PI4KA: variants seen among roughly 807,000 people sequenced by gnomAD.
The protein encoded by PI4KA is PI4-kinase alpha.
PI4KA carries 122 observed loss-of-function variants against 271.4 expected under a neutral mutation model. That is an observed-to-expected ratio of 0.45 (90% CI 0.39 to 0.52). The LOEUF is 0.52. Among genes scored for constraint, PI4KA ranks in the 20% least tolerant of loss-of-function variants. PI4KA has a pLI of 0.00. For synonymous variants in PI4KA, 1,041 were observed against 1,078.8 expected (o/e 0.96, Z 0.69); for missense variants, 1,969 against 2,769.1 (o/e 0.71, Z 6.48).
At position 20,714,511 on chromosome 22, in the gene PI4KA, T is replaced by C; in HGVS notation, c.5408A>G (p.Tyr1803Cys). Residue 1803 changes from tyrosine (Y) to cysteine (C), a missense_variant, in exon 47 of 55, where the codon TAT becomes TGT. Tyr to Cys is a radical substitution (Grantham distance 194, BLOSUM62 -2). Coordinates refer to ENST00000255882, the MANE Select transcript of PI4KA (RefSeq NM_058004.4). ...TPMQSAAKAP[Y>C]LAKFKVKRCG... ...TCGCTTCACCTTGAACTTGGCCAGA[T>C]ATGGGGCTTTTGCAGCACTGAAAAC... The C allele has an allele frequency of 6.2e-7, 1 of 1,613,644 alleles. No individual in the cohort carries two copies. The highest frequency in any genetic ancestry group is 8.5e-7 in the Non-Finnish European group (1 of 1,179,682).
intron 1 of PI4KA, among the ~76,000 whole-genome samples, chr22:20,846,038 A>G (rs1010171785): frequency 2.6e-5 from 4 of 152,064 alleles, no homozygotes; most frequent in South Asian, 4.1e-4. Context: ...CGGGCGGATC[A>G]GGAGGTCAGG....
chr22:20,743,665 A>G (rs955727281), intron 30 of PI4KA, among the ~76,000 whole-genome samples: 1 of 152,002 alleles, frequency 6.6e-6, no homozygotes, highest in Non-Finnish European at 1.5e-5. Flanking sequence ...TTTTCCAGAG[A>G]GAAGAACATA....
rs1353645663 is a variant in PI4KA, at chr22:20,842,343, T to C, written c.157-3612A>G. On this transcript the variant is annotated intron_variant, in intron 1 of 54. Coordinates refer to ENST00000255882, the MANE Select transcript of PI4KA (RefSeq NM_058004.4). ...TGATTTCAGTCCAGTGAAACACAGGTTGTGTTTCTAATCTACAGAACTGTA... is the reference window on the plus strand; with the variant it reads ...TGATTTCAGTCCAGTGAAACACAGGCTGTGTTTCTAATCTACAGAACTGTA... Among the ~76,000 whole-genome samples the C allele has an allele frequency of 3.3e-5, 5 of 152,186 alleles. No homozygotes were observed. The East Asian group carries it at 9.6e-4, about 29-fold the overall frequency.
intron 32 of PI4KA, among the ~76,000 whole-genome samples, chr22:20,734,830 T>G (rs1928520953): frequency 6.6e-6 from 1 of 152,198 alleles, no homozygotes; most frequent in African/African-American, 2.4e-5. Flanking sequence ...ACCCGGGATG[T>G]ACCTGATGCC....
intron 28 of PI4KA, 74 bp downstream of exon 28, chr22:20,749,831 C>G: frequency 1.9e-3 from 1,577 of 810,532 alleles, no homozygotes; most frequent in Non-Finnish European, 3.1e-3. Context: ...ATTTTGAGTT[C>G]TTCATGTCTC....
At position 20,709,376 on chromosome 22, in the gene PI4KA, G is replaced by A. The variant is rs140017088; in HGVS notation, c.6177C>T (p.His2059=). 8.2e-6 allele frequency: 11 copies of A among 1,334,078 alleles called. No homozygotes were observed. The highest frequency in any genetic ancestry group is 1.1e-5 in the Non-Finnish European group (11 of 965,710). 82.6% of individuals were successfully genotyped at this position (1,334,078 alleles called of 1,614,324 possible). The change falls in exon 54 of 55, where the codon CAC becomes CAT. Residue 2059 remains histidine (H), a synonymous_variant. Transcript: ENST00000255882. ...GCTCAGTCATGTTGGGGCTAAACCT[G>A]TGCCTGGGGGAGAGGCTGTGTCAGG... ...FRGQTIKLLK[H]RFSPNMTERE... is the part of the protein sequence containing the mutation.
At chr22:20,778,431 G>C (rs1233676876) in intron 19 of PI4KA, among the ~76,000 whole-genome samples, 3 of 152,214 alleles carry the variant, frequency 2.0e-5, no homozygotes, top group Admixed American at 2.0e-4. Context: ...TTGAGTCCAG[G>C]AGGCCGAAGT....
intron 2 of PI4KA, among the ~76,000 whole-genome samples, chr22:20,837,422 T>C (rs1462217650): frequency 2.0e-5 from 3 of 152,188 alleles, no homozygotes; most frequent in African/African-American, 7.2e-5. Context: ...AGCTTATGTA[T>C]CTAATTTTGG....
intron 18 of PI4KA, among the ~76,000 whole-genome samples, chr22:20,794,525 G>A (rs931186931): frequency 3.3e-5 from 5 of 152,158 alleles, no homozygotes; most frequent in Non-Finnish European, 7.4e-5. Context: ...CGGAGGGCCC[G>A]GCATAGCAAG....
chr22:20,857,196 T>C (rs1020464472), intron 1 of PI4KA, among the ~76,000 whole-genome samples: 1 of 152,236 alleles, frequency 6.6e-6, no homozygotes, highest in African/African-American at 2.4e-5. Flanking sequence ...AGAAGGGAAC[T>C]GACCTGTCTA....
Position 20,819,834 on chromosome 22 carries a change from T to A in PI4KA, c.596A>T (p.Asn199Ile), listed in dbSNP as rs1922379678. ...CTTTGAGAGGAGAGACTCTTCCATG[T>A]TGCTGTAACGCCCAAATGCTCGCGA... is the stretch of plus-strand genomic sequence containing the variant. Reference protein sequence around the residue: ...GISRAFGRYSNMEESLLSKLF... With the variant: ...GISRAFGRYSIMEESLLSKLF... The change falls in exon 6 of 55, where the codon AAC becomes ATC. Residue 199 changes from asparagine (N) to isoleucine (I), a missense_variant. By Grantham distance (149) the Asn-to-Ile change is moderately radical (BLOSUM62 -3). Around this residue, in one of 13 missense-constraint regions of PI4KA, gnomAD observed 540 missense variants for 555.5 expected, o/e 0.97. Transcript: ENST00000255882. The A allele has an allele frequency of 6.2e-7, 1 of 1,613,890 alleles. No individual in the cohort carries two copies. Among genetic ancestry groups the A allele is most frequent in the Non-Finnish European group, 8.5e-7 (1 of 1,179,824 alleles).
intron 32 of PI4KA, 136 bp from the exon 33 acceptor site, chr22:20,734,689 T>A: frequency 1.0e-6 from 1 of 972,458 alleles, no homozygotes. Context: ...AAGAAAAAAA[T>A]GAAGATCGCC....
At chr22:20,709,834 ACCTATCTTGGATGGAG>A (rs1472601438) in intron 53 of PI4KA, 58 bp downstream of exon 53, 1 of 859,494 alleles carries the variant, frequency 1.2e-6, no homozygotes, top group African/African-American at 1.7e-5. Flanking sequence ...CATGAAAGGT[ACCTATCTTGGATGGAG>A]CCTCAGCTAA....
In PI4KA at chr22:20,786,268, T is replaced by C. The variant is rs1162102487; in HGVS notation, c.2328+6925A>G. ...ATGTCCCAGCTTGGGGTGCTGAGTCTGCTCTTCGGCCTGGGTGGGATACAC... is the reference window on the plus strand; with the variant it reads ...ATGTCCCAGCTTGGGGTGCTGAGTCCGCTCTTCGGCCTGGGTGGGATACAC... On this transcript the variant is annotated intron_variant, in intron 19 of 54. Transcript: ENST00000255882. 4.4e-6 allele frequency: 5 copies of C among 1,139,764 alleles called. No homozygotes were observed. The Admixed American group carries it at 8.7e-5, about 20-fold the overall frequency. 70.6% of individuals were successfully genotyped at this position (1,139,764 alleles called of 1,614,324 possible). A position where few individuals can be genotyped will look rare whatever the true frequency, so the allele number is the denominator to read the frequency against.
intron 1 of PI4KA, among the ~76,000 whole-genome samples, chr22:20,851,917 T>A (rs1341304491): frequency 6.6e-6 from 1 of 151,990 alleles, no homozygotes; most frequent in Non-Finnish European, 1.5e-5. Flanking sequence ...AATAAAAATA[T>A]AAATAAGCCA....
intron 19 of PI4KA, among the ~76,000 whole-genome samples, chr22:20,776,455 A>G (rs1933286438): frequency 3.3e-5 from 5 of 152,234 alleles, no homozygotes; most frequent in Admixed American, 3.3e-4. Context: ...GTCAGAAACA[A>G]TGTGACTTTC....
chr22:20,729,087 T>G (rs925223428), intron 39 of PI4KA, among the ~76,000 whole-genome samples: 2 of 152,204 alleles, frequency 1.3e-5, no homozygotes, highest in Admixed American at 1.3e-4. Context: ...AGGCTCCAGC[T>G]GCTGCAGCAC....
At chr22:20,847,628 T>G (rs2147807742) in intron 1 of PI4KA, among the ~76,000 whole-genome samples, 1 of 152,174 alleles carries the variant, frequency 6.6e-6, no homozygotes, top group South Asian at 2.1e-4. Flanking sequence ...GTGCCTGTAG[T>G]CCCAGCTACT....
chr22:20,823,822 T>C (rs1923024067), intron 4 of PI4KA, among the ~76,000 whole-genome samples: 1 of 152,160 alleles, frequency 6.6e-6, no homozygotes, highest in Admixed American at 6.6e-5. Context: ...ACGCCTATAG[T>C]CTCAGCTACT....
Sources: gnomAD v4.1 joint callset for allele counts (sites outside exome capture counted in the v4.1 genomes callset) on GRCh38, gnomAD v4.1.1 for gene constraint, gnomAD v4.1.1 regional missense constraint, MANE v1.5 for transcripts, NCBI Gene and HGNC (gene_info 2026-07-23, HGNC 2026-07-21) for gene names.